Variants in RREB1 observed in about 807,000 individuals in gnomAD.
The protein encoded by RREB1 is ras-responsive element-binding protein 1.
A neutral mutation model predicts 117.8 loss-of-function variants in RREB1; 27 were observed. That is an observed-to-expected ratio of 0.23 (90% CI 0.17 to 0.32). The LOEUF is 0.32. RREB1 is among the 10% of genes least tolerant of loss of function. The probability of loss-of-function intolerance (pLI) is 1.00; values close to 1 mark genes in which losing one functional copy is unlikely to be tolerated. For synonymous variants in RREB1, 1,298 were observed against 1,026.7 expected (o/e 1.26, Z -5.05); for missense variants, 2,577 against 2,378.2 (o/e 1.08, Z -1.74).
intron 6 of RREB1, among the ~76,000 whole-genome samples, chr6:7,202,007 C>T (rs568375279): frequency 1.2e-4 from 19 of 152,230 alleles, no homozygotes; most frequent in Middle Eastern, 3.4e-3. Context: ...AGGGCTCTGT[C>T]GCCTGGTTGG....
chr6:7,142,461 T>C (rs1762649948), intron 1 of RREB1, among the ~76,000 whole-genome samples: 1 of 152,226 alleles, frequency 6.6e-6, no homozygotes, highest in Non-Finnish European at 1.5e-5. Context: ...TGTTCTGTAC[T>C]GGAAGTACAT....
Position 7,248,725 on chromosome 6 carries a change from T to C in RREB1, c.4986T>C (p.Asn1662=), listed in dbSNP as rs574936730. The C allele has an allele frequency of 2.6e-4, 417 of 1,614,144 alleles. 2 individuals are homozygous for C. The South Asian group carries it at 4.4e-3, about 17-fold the overall frequency. Residue 1662 remains asparagine (N), a synonymous_variant, in exon 13 of 13, where the codon AAT becomes AAC. Coordinates refer to ENST00000379938, the MANE Select transcript of RREB1 (RefSeq NM_001003699.4). The part of the protein sequence containing the change: ...VSENEAELAP[N]ASNHMAVTRS... ...AGAACGAGGCTGAGCTGGCTCCCAA[T>C]GCCAGCAACCACATGGCTGTCACCC...
Position 7,230,343 on chromosome 6 carries a change from C to G in RREB1, c.2244C>G (p.Phe748Leu). The change falls in exon 10 of 13, where the codon TTC becomes TTG. Residue 748 changes from phenylalanine to leucine, a missense_variant. Transcript: ENST00000379938. ...GCGCGGCCGAGCTGGTGGACGCCTT[C>G]TGCGCCCCGGACACCGTGTGCCGGC... ...SSSAAELVDAFCAPDTVCRLC... is the reference protein window; with the variant it reads ...SSSAAELVDALCAPDTVCRLC... 6.3e-7 allele frequency: 1 copy of G among 1,590,652 alleles called. No homozygotes were observed. Among genetic ancestry groups the G allele is most frequent in the Non-Finnish European group, 8.5e-7 (1 of 1,173,566 alleles).
chr6:7,227,211 C>T (rs1767631355), intron 9 of RREB1, among the ~76,000 whole-genome samples: 1 of 151,950 alleles, frequency 6.6e-6, no homozygotes, highest in African/African-American at 2.4e-5. Flanking sequence ...CACTGCACTC[C>T]AGCGTGGGTG....
At chr6:7,124,273 G>A (rs1463853691) in intron 1 of RREB1, among the ~76,000 whole-genome samples, 8 of 152,156 alleles carry the variant, frequency 5.3e-5, no homozygotes, top group Admixed American at 5.2e-4. Flanking sequence ...TGTTCCTTTT[G>A]TGGTGTGCTC....
Position 7,246,484 on chromosome 6 carries a change from G to A in RREB1, c.4034G>A (p.Arg1345Gln), listed in dbSNP as rs1453058768. 2 of 1,540,884 alleles carry A rather than the reference G, an allele frequency of 1.3e-6. No homozygotes were observed. The highest frequency in any genetic ancestry group is 2.0e-5 in the Admixed American group (1 of 50,474). Residue 1345 changes from arginine (R) to glutamine (Q), a missense_variant, in exon 12 of 13, where the codon CGG becomes CAG. Arg to Gln is a conservative substitution (Grantham distance 43, BLOSUM62 1). Coordinates refer to ENST00000379938, the MANE Select transcript of RREB1 (RefSeq NM_001003699.4). ...GGCGAAGTGCTAGACCTCACCTCAC[G>A]GGACAGAGAGCAGCCGTCGGAGGGC... is the stretch of plus-strand genomic sequence containing the variant. ...AAGEVLDLTS[R>Q]DREQPSEGAT... is the part of the protein sequence containing the mutation.
chr6:7,152,555 C>T (rs1333511271), intron 1 of RREB1, among the ~76,000 whole-genome samples: 1 of 152,126 alleles, frequency 6.6e-6, no homozygotes, highest in Non-Finnish European at 1.5e-5. Flanking sequence ...TAAATGTGAC[C>T]AAATGCATCA....
intron 4 of RREB1, among the ~76,000 whole-genome samples, chr6:7,186,888 C>T (rs1197577021): frequency 6.6e-6 from 1 of 152,158 alleles, no homozygotes; most frequent in African/African-American, 2.4e-5. Flanking sequence ...CAGTGTTAAG[C>T]AGATGCTAGC....
chr6:7,145,426 C>G (rs1289242872), intron 1 of RREB1, among the ~76,000 whole-genome samples: 1 of 152,146 alleles, frequency 6.6e-6, no homozygotes. Context: ...TTTCCTGTAT[C>G]AAAACAACCA....
At chr6:7,188,226 C>CGT (rs149501678) in intron 5 of RREB1, among the ~76,000 whole-genome samples, 7,358 of 149,128 alleles carry the variant, frequency 0.049, 317 homozygotes, top group African/African-American at 0.11. Flanking sequence ...CCCCCCCACA[C>CGT]GTGTGTGTGT....
rs190664099 is a variant in RREB1, at chr6:7,181,375, G to T, written c.-43+129G>T. On this transcript the variant is annotated intron_variant, in intron 3 of 12. Coordinates refer to ENST00000379938, the MANE Select transcript of RREB1 (RefSeq NM_001003699.4). The stretch of plus-strand genomic sequence containing the variant: ...TTTGTTTGTAACTCTGATAGCGTTG[G>T]CTTCTTAAATCTCTTATAAAATTCA... 37 of 400,368 alleles carry T rather than the reference G, an allele frequency of 9.2e-5. No homozygotes were observed. The East Asian group carries it at 1.3e-3, about 14-fold the overall frequency. 24.8% of individuals were successfully genotyped at this position (400,368 alleles called of 1,614,324 possible). A position where few individuals can be genotyped will look rare whatever the true frequency, so the allele number is the denominator to read the frequency against.
intron 1 of RREB1, among the ~76,000 whole-genome samples, chr6:7,175,344 G>C (rs925116055): frequency 6.0e-5 from 8 of 132,560 alleles, no homozygotes; most frequent in African/African-American, 2.3e-4. Flanking sequence ...TGAGTATAGA[G>C]TATGTGCATT....
intron 1 of RREB1, among the ~76,000 whole-genome samples, chr6:7,136,988 T>C (rs1762370887): frequency 6.6e-6 from 1 of 152,232 alleles, no homozygotes. Flanking sequence ...GCCTCCCTCT[T>C]TCACTTCCCT....
At chr6:7,163,058 A>G (rs1051012083) in intron 1 of RREB1, among the ~76,000 whole-genome samples, 3 of 152,090 alleles carry the variant, frequency 2.0e-5, no homozygotes, top group African/African-American at 7.2e-5. Flanking sequence ...AATCTTGACT[A>G]GTAGGGTAAG....
intron 1 of RREB1, among the ~76,000 whole-genome samples, chr6:7,122,920 T>C (rs1440795441): frequency 6.6e-6 from 1 of 152,204 alleles, no homozygotes; most frequent in Non-Finnish European, 1.5e-5. Context: ...AGCTCACTTT[T>C]GGATAACCCA....
intron 1 of RREB1, among the ~76,000 whole-genome samples, chr6:7,126,663 A>G (rs889083273): frequency 6.6e-6 from 1 of 152,190 alleles, no homozygotes; most frequent in African/African-American, 2.4e-5. Context: ...TGTTATTATC[A>G]TTGTTATTTT....
chr6:7,232,282 G>C (rs1768041232), intron 10 of RREB1, among the ~76,000 whole-genome samples: 1 of 152,210 alleles, frequency 6.6e-6, no homozygotes, highest in Non-Finnish European at 1.5e-5. Context: ...GTGAGACTTT[G>C]TATTAAGGTA....
At chr6:7,204,619 C>T (rs1766168109) in intron 6 of RREB1, among the ~76,000 whole-genome samples, 3 of 152,166 alleles carry the variant, frequency 2.0e-5, no homozygotes, top group African/African-American at 4.8e-5. Context: ...TTGCCTCCAG[C>T]TTGGCAGGTC....
chr6:7,220,569 C>G (rs1027586695), intron 8 of RREB1, among the ~76,000 whole-genome samples: 1 of 152,190 alleles, frequency 6.6e-6, no homozygotes, highest in African/African-American at 2.4e-5. Context: ...TTACTGACAG[C>G]AAAGTTAGTT....
Sources: allele counts gnomAD v4.1 joint callset (sites outside exome capture counted in the v4.1 genomes callset), GRCh38; gene constraint gnomAD v4.1.1; transcripts MANE v1.5; gene names NCBI Gene and HGNC (gene_info 2026-07-23, HGNC 2026-07-21).